The following LRRTM4 variants were observed in gnomAD, a reference collection of about 807,000 sequenced individuals.
LRRTM4 encodes the protein leucine rich repeat transmembrane neuronal 4.
Under a neutral mutation model 47.6 loss-of-function variants are expected in LRRTM4, and 25 were observed. The observed-to-expected ratio is 0.53, with a 90% CI of 0.38 to 0.73. The LOEUF (loss-of-function observed/expected upper bound fraction) is 0.73. Among genes scored for constraint, LRRTM4 ranks in the 30% least tolerant of loss-of-function variants. The probability of loss-of-function intolerance (pLI) is 0.00; values close to 1 mark genes in which losing one functional copy is unlikely to be tolerated. For missense variants in LRRTM4, 638 were observed against 713.4 expected (o/e 0.89, Z 1.20); for synonymous variants, 311 against 269.5 (o/e 1.15, Z -1.51).
At chr2:77,131,590 G>A (rs982772506) in intron 3 of LRRTM4, among the ~76,000 whole-genome samples, 11 of 152,060 alleles carry the variant, frequency 7.2e-5, no homozygotes, top group African/African-American at 2.4e-4. Flanking sequence ...TAGGAAGGTG[G>A]GAAAGAGCCA....
Position 76,818,041 on chromosome 2 carries a change from C to T in LRRTM4, c.1552-69125G>A, listed in dbSNP as rs145650875. 2.6e-3 allele frequency among the ~76,000 whole-genome samples: 392 copies of T among 151,948 alleles called. 2 individuals carry two copies. Among genetic ancestry groups the T allele is most frequent in the African/African-American group, 9.1e-3 (376 of 41,492 alleles). Reference sequence around the variant, plus strand: ...AGTTCTTTAAAAAGTAAAGAGGATACAGATGGCAATAGAAGCATGGCAGTT... The same window carrying T: ...AGTTCTTTAAAAAGTAAAGAGGATATAGATGGCAATAGAAGCATGGCAGTT... On this transcript the variant is annotated intron_variant, in intron 3 of 3. Transcript: ENST00000409884.
At chr2:77,124,155 G>T (rs1671595716) in intron 3 of LRRTM4, among the ~76,000 whole-genome samples, 1 of 152,008 alleles carries the variant, frequency 6.6e-6, no homozygotes. Flanking sequence ...TTAATCATAG[G>T]AGGAATGGAC....
chr2:77,194,893 A>G (rs1673768931), intron 3 of LRRTM4, among the ~76,000 whole-genome samples: 1 of 151,848 alleles, frequency 6.6e-6, no homozygotes, highest in African/African-American at 2.4e-5. Flanking sequence ...ACAGCACTAG[A>G]TGCATTTATA....
chr2:77,262,693 T>A (rs1197180922), intron 3 of LRRTM4, among the ~76,000 whole-genome samples: 13 of 152,016 alleles, frequency 8.6e-5, no homozygotes, highest in Admixed American at 8.5e-4. Flanking sequence ...TGTCTCATGG[T>A]TAACTCATGG....
intron 3 of LRRTM4, among the ~76,000 whole-genome samples, chr2:77,101,927 G>A (rs952986314): frequency 6.6e-6 from 1 of 152,124 alleles, no homozygotes; most frequent in East Asian, 1.9e-4. Context: ...TGCTACATGA[G>A]TCTTCAAAAA....
intron 3 of LRRTM4, among the ~76,000 whole-genome samples, chr2:77,253,938 A>G (rs1044096282): frequency 6.6e-6 from 1 of 152,038 alleles, no homozygotes; most frequent in African/African-American, 2.4e-5. Flanking sequence ...AGTTGAAAAG[A>G]TAGTTAAAGA....
intron 3 of LRRTM4, among the ~76,000 whole-genome samples, chr2:76,863,600 AAGT>A (rs1558699825): frequency 6.6e-6 from 1 of 152,162 alleles, no homozygotes; most frequent in East Asian, 1.9e-4. Flanking sequence ...TATGATTTGC[AAGT>A]AGAAGAGTTT....
rs932600820 is a variant in LRRTM4 at position 77,516,952 on chromosome 2, T to A, written c.1551+1366A>T. On this transcript the variant is annotated intron_variant, in intron 3 of 3. Coordinates refer to ENST00000409884, the MANE Select transcript of LRRTM4 (RefSeq NM_001134745.3). ...GCAATTATATTTTCCAACTGTTAAC[T>A]AGCATTAGAAAGGGCAACATCTTTA... 11 of 984,670 alleles carry A rather than the reference T, an allele frequency of 1.1e-5. No homozygotes were observed. The African/African-American group carries it at 1.9e-4, about 17-fold the overall frequency. 61.0% of individuals were successfully genotyped at this position (984,670 alleles called of 1,614,324 possible). A position where few individuals can be genotyped will look rare whatever the true frequency, so the allele number is the denominator to read the frequency against.
intron 3 of LRRTM4, among the ~76,000 whole-genome samples, chr2:77,347,092 A>G (rs1219752124): frequency 6.6e-6 from 1 of 152,094 alleles, no homozygotes; most frequent in Non-Finnish European, 1.5e-5. Flanking sequence ...TTATTCCTCA[A>G]TTCTCTCTCT....
At chr2:76,928,652 C>A (rs1674666659) in intron 3 of LRRTM4, among the ~76,000 whole-genome samples, 1 of 152,056 alleles carries the variant, frequency 6.6e-6, no homozygotes, top group African/African-American at 2.4e-5. Flanking sequence ...AACTCACCTT[C>A]TTTTTACATG....
intron 3 of LRRTM4, among the ~76,000 whole-genome samples, chr2:77,368,311 C>CAAGGG (rs1672533072): frequency 6.6e-6 from 1 of 151,676 alleles, no homozygotes; most frequent in African/African-American, 2.4e-5. Flanking sequence ...GAACTGGATT[C>CAAGGG]AAGGGATAAA....
At chr2:77,479,028 G>A (rs1464820943) in intron 3 of LRRTM4, among the ~76,000 whole-genome samples, 1 of 152,018 alleles carries the variant, frequency 6.6e-6, no homozygotes, top group Admixed American at 6.6e-5. Context: ...CTGAGTAGCT[G>A]GGATTATAGG....
At chr2:77,138,214 A>T (rs529259131) in intron 3 of LRRTM4, among the ~76,000 whole-genome samples, 14 of 152,326 alleles carry the variant, frequency 9.2e-5, no homozygotes, top group Admixed American at 6.5e-4. Context: ...TTGACCACAT[A>T]GTTGGAAGTA....
At chr2:76,887,405 A>G (rs1396471959) in intron 3 of LRRTM4, among the ~76,000 whole-genome samples, 1 of 151,452 alleles carries the variant, frequency 6.6e-6, no homozygotes, top group East Asian at 1.9e-4. Context: ...ATAAACCATG[A>G]TAGATGTAAA....
intron 3 of LRRTM4, among the ~76,000 whole-genome samples, chr2:77,214,273 T>A (rs944517590): frequency 2.0e-5 from 3 of 152,222 alleles, no homozygotes; most frequent in Non-Finnish European, 1.5e-5. Flanking sequence ...TGTGTTCTTA[T>A]CCTAACTCTG....
chr2:76,825,269 T>C (rs1671159497), intron 3 of LRRTM4, among the ~76,000 whole-genome samples: 1 of 151,612 alleles, frequency 6.6e-6, no homozygotes, highest in African/African-American at 2.4e-5. Context: ...GAGTACAAGT[T>C]AAAGCAGAGA....
intron 3 of LRRTM4, among the ~76,000 whole-genome samples, chr2:77,023,268 A>G (rs906923756): frequency 6.6e-6 from 1 of 152,158 alleles, no homozygotes; most frequent in Non-Finnish European, 1.5e-5. Context: ...GGCCCTGACC[A>G]TGAAACCATT....
chr2:76,851,468 C>A (rs958872417), intron 3 of LRRTM4, among the ~76,000 whole-genome samples: 4 of 152,062 alleles, frequency 2.6e-5, no homozygotes, highest in African/African-American at 4.8e-5. Context: ...AAGTGAGTTA[C>A]CTAAAAGATC....
intron 3 of LRRTM4, among the ~76,000 whole-genome samples, chr2:76,965,055 A>G (rs991703398): frequency 2.1e-4 from 32 of 151,072 alleles, no homozygotes; most frequent in African/African-American, 6.3e-4. Context: ...ATAACCTTCC[A>G]ACCTTCCAAA....
Sources: gnomAD v4.1 joint callset for allele counts (sites outside exome capture counted in the v4.1 genomes callset) on GRCh38, gnomAD v4.1.1 for gene constraint, MANE v1.5 for transcripts, NCBI Gene and HGNC (gene_info 2026-07-23, HGNC 2026-07-21) for gene names.